Variants in AHI1 observed in about 807,000 individuals in gnomAD.
AHI1 encodes Abelson helper integration site 1, also known as jouberin.
AHI1 carries 123 observed loss-of-function variants against 149.3 expected under a neutral mutation model. The observed-to-expected ratio is 0.82, with a 90% CI of 0.71 to 0.96. The LOEUF (loss-of-function observed/expected upper bound fraction) is 0.96. AHI1 is among the 40% of genes least tolerant of loss of function. The probability of loss-of-function intolerance (pLI) is 0.00; values close to 1 mark genes in which losing one functional copy is unlikely to be tolerated. For synonymous variants in AHI1, 475 were observed against 459.8 expected, an observed-to-expected ratio of 1.03 and a Z score of -0.42; for missense variants, 1,439 against 1,422.7, an observed-to-expected ratio of 1.01 and a Z score of -0.18.
Position 135,285,638 on chromosome 6 carries a change from C to T in AHI1, c.*7G>A, listed in dbSNP as rs1008098221. On this transcript the variant is annotated 3_prime_UTR_variant, in exon 29 of 29. Transcript: ENST00000265602. ...ATTTCGGCAGCTCTTAACTTTTCTT[C>T]AATTCTTTACTGGAAAGAAAAATAC... 2.5e-6 allele frequency: 4 copies of T among 1,607,278 alleles called. No individual in the cohort carries two copies.
At chr6:135,376,831 G>A (rs1431216397) in intron 23 of AHI1, among the ~76,000 whole-genome samples, 1 of 124,548 alleles carries the variant, frequency 8.0e-6, no homozygotes, top group African/African-American at 3.0e-5. Flanking sequence ...GCAGTGAGCT[G>A]AGATCGCATC....
rs1168821715 is a variant in AHI1, at chr6:135,301,450, A to C, written c.3427-892T>G. Reference sequence around the variant, plus strand: ...TTTGAGTAACTGCTTTCCTGGTGTTATCTCTACTGAAGCTTGTTTGGCCTT... The same window carrying C: ...TTTGAGTAACTGCTTTCCTGGTGTTCTCTCTACTGAAGCTTGTTTGGCCTT... On this transcript the variant is annotated intron_variant, in intron 26 of 28. Transcript: ENST00000265602. 6.1e-6 allele frequency: 6 copies of C among 985,322 alleles called. No individual in the cohort carries two copies. In the South Asian group the frequency reaches 2.3e-4, roughly 39 times the overall value. The allele number at this position is 985,322 out of a possible 1,614,324, so 61.0% of individuals were successfully genotyped here.
At chr6:135,437,016 T>C (rs572622346) in intron 15 of AHI1, among the ~76,000 whole-genome samples, 26 of 152,202 alleles carry the variant, frequency 1.7e-4, no homozygotes, top group Non-Finnish European at 3.1e-4. Context: ...ACAGGTCAAA[T>C]AGCCTTTAAA....
intron 24 of AHI1, among the ~76,000 whole-genome samples, chr6:135,348,575 C>A (rs1396238802): frequency 6.6e-6 from 1 of 151,996 alleles, no homozygotes; most frequent in Non-Finnish European, 1.5e-5. Context: ...ACTTAAATTG[C>A]CTGCAGGAAA....
In AHI1 at chr6:135,433,008, T is replaced by C. The variant is rs1583208761; in HGVS notation, c.2266+19A>G. 6.3e-7 allele frequency: 1 copy of C among 1,578,798 alleles called. No homozygotes were observed. Among genetic ancestry groups the C allele is most frequent in the East Asian group, 2.2e-5 (1 of 44,626 alleles). On this transcript the variant is annotated intron_variant, in intron 16 of 28. Transcript: ENST00000265602. ...AAATTCTTCACATAGCTGGTCTTCA[T>C]TCATAGTCTCTGACATACCTTCAGT...
intron 27 of AHI1, among the ~76,000 whole-genome samples, chr6:135,293,564 C>T (rs7741046): frequency 1.3e-5 from 2 of 151,834 alleles, no homozygotes; most frequent in African/African-American, 2.4e-5. Context: ...TTAGTAGGTT[C>T]GCATAAAACA....
intron 26 of AHI1, among the ~76,000 whole-genome samples, chr6:135,306,166 A>G (rs572378936): frequency 1.3e-5 from 2 of 152,354 alleles, no homozygotes; most frequent in African/African-American, 4.8e-5. Context: ...GCAGGCACTC[A>G]AAGTATGTGT....
chr6:135,494,843 C>G, intron 3 of AHI1, among the ~76,000 whole-genome samples: 1 of 152,150 alleles, frequency 6.6e-6, no homozygotes, highest in East Asian at 1.9e-4. Context: ...ATTACAGAAG[C>G]AAACCCAAGT....
intron 3 of AHI1, among the ~76,000 whole-genome samples, chr6:135,493,340 C>T (rs1347842903): frequency 6.6e-6 from 1 of 152,188 alleles, no homozygotes; most frequent in Non-Finnish European, 1.5e-5. Flanking sequence ...TGGACATCCA[C>T]ATTCATGTTC....
intron 27 of AHI1, among the ~76,000 whole-genome samples, chr6:135,299,932 C>T (rs1246100789): frequency 6.6e-6 from 1 of 152,078 alleles, no homozygotes; most frequent in Admixed American, 6.6e-5. Flanking sequence ...AAATAAATGA[C>T]AAAATAGGTC....
chr6:135,364,311 G>T (rs1582835904), intron 23 of AHI1, among the ~76,000 whole-genome samples: 1 of 151,434 alleles, frequency 6.6e-6, no homozygotes, highest in African/African-American at 2.4e-5. Context: ...GGGCAGAGAC[G>T]CTCCTCACTT....
chr6:135,383,786 T>C (rs1777204166), intron 23 of AHI1, among the ~76,000 whole-genome samples: 1 of 152,248 alleles, frequency 6.6e-6, no homozygotes, highest in African/African-American at 2.4e-5. Flanking sequence ...ATGCATTTTA[T>C]GGTTGATAGT....
rs1787142187 is a variant in AHI1, at chr6:135,323,220, A to G, written c.3270T>C (p.Tyr1090=). The change falls in exon 25 of 29, where the codon TAT becomes TAC. Residue 1090 remains tyrosine (Y), a synonymous_variant. Transcript: ENST00000265602. ...CTTCCTGTCCCTTTCCTATGCTGCCATACCACCAGTCTTCATTATCTTTGA... is the reference window on the plus strand; with the variant it reads ...CTTCCTGTCCCTTTCCTATGCTGCCGTACCACCAGTCTTCATTATCTTTGA... The part of the protein sequence containing the change: ...VFFKDNEDWW[Y]GSIGKGQEGY... 2 of 1,613,806 alleles carry G rather than the reference A, an allele frequency of 1.2e-6. No homozygotes were observed. The highest frequency in any genetic ancestry group is 1.6e-4 in the Middle Eastern group (1 of 6,084).
At chr6:135,416,967 C>A (rs1010412965) in intron 20 of AHI1, among the ~76,000 whole-genome samples, 1 of 152,028 alleles carries the variant, frequency 6.6e-6, no homozygotes, top group Non-Finnish European at 1.5e-5. Flanking sequence ...TTTTTCATTA[C>A]ACATTTTGAA....
rs1179333505 is a variant in AHI1, at chr6:135,318,741, T to TA, written c.3329-126dup. On this transcript the variant is annotated intron_variant, in intron 25 of 28. Coordinates refer to ENST00000265602, the MANE Select transcript of AHI1 (RefSeq NM_001134831.2). ...GATATTCAATTCCTTGGTGTACCAA[T>TA]AAGATACCTAAAACTTACTTGTTAC... is the stretch of plus-strand genomic sequence containing the variant. 6 of 568,426 alleles carry TA rather than the reference T, an allele frequency of 1.1e-5. 1 individual carries two copies. In the Admixed American group the frequency reaches 1.7e-4, roughly 16 times the overall value. 35.2% of individuals were successfully genotyped at this position (568,426 alleles called of 1,614,324 possible). A position where few individuals can be genotyped will look rare whatever the true frequency, so the allele number is the denominator to read the frequency against.
chr6:135,475,268 A>G (rs1035745121), intron 5 of AHI1, among the ~76,000 whole-genome samples: 27 of 152,214 alleles, frequency 1.8e-4, no homozygotes, highest in Non-Finnish European at 4.0e-4. Flanking sequence ...CAATCCTGAT[A>G]TCGGCAATTT....
intron 5 of AHI1, among the ~76,000 whole-genome samples, chr6:135,481,289 C>G (rs953910127): frequency 1.3e-5 from 2 of 152,178 alleles, no homozygotes; most frequent in African/African-American, 4.8e-5. Flanking sequence ...TTATAAGCAA[C>G]AGAAAACTAA....
intron 27 of AHI1, among the ~76,000 whole-genome samples, chr6:135,297,201 C>T (rs1009352354): frequency 3.3e-5 from 5 of 152,146 alleles, no homozygotes; most frequent in Non-Finnish European, 5.9e-5. Flanking sequence ...CTCCTGGCCC[C>T]ACCTTCCAAT....
intron 26 of AHI1, 171 bp downstream of exon 26, chr6:135,318,348 G>A (rs1786284970): frequency 1.8e-6 from 1 of 568,986 alleles, no homozygotes; most frequent in East Asian, 3.0e-5. Flanking sequence ...TTCCTTATCT[G>A]GAAAATGGCT....
Sources: allele counts gnomAD v4.1 joint callset (sites outside exome capture counted in the v4.1 genomes callset), GRCh38; gene constraint gnomAD v4.1.1; transcripts MANE v1.5; gene names NCBI Gene and HGNC (gene_info 2026-07-23, HGNC 2026-07-21).